Variants in PTPRT observed in about 807,000 individuals in gnomAD.
PTPRT encodes the protein receptor-type tyrosine-protein phosphatase T.
In PTPRT, 56 loss-of-function variants were observed where a neutral mutation model predicts 176.8. The observed-to-expected ratio is 0.32, with a 90% CI of 0.26 to 0.40. The LOEUF (loss-of-function observed/expected upper bound fraction) is 0.40. Among genes scored for constraint, PTPRT ranks in the 10% least tolerant of loss-of-function variants. The probability of loss-of-function intolerance (pLI) is 1.00; values close to 1 mark genes in which losing one functional copy is unlikely to be tolerated. For synonymous variants in PTPRT, 783 were observed against 739.0 expected, an observed-to-expected ratio of 1.06 and a Z score of -0.96; for missense variants, 1,540 against 1,908.2, an observed-to-expected ratio of 0.81 and a Z score of 3.60.
intron 1 of PTPRT, among the ~76,000 whole-genome samples, chr20:43,056,734 A>G (rs919888451): frequency 1.1e-4 from 17 of 152,212 alleles, no homozygotes; most frequent in African/African-American, 3.1e-4. Flanking sequence ...GAACCTTGTT[A>G]TAACAGTGGG....
At chr20:42,323,647 A>G (rs543241303) in intron 11 of PTPRT, among the ~76,000 whole-genome samples, 3 of 152,110 alleles carry the variant, frequency 2.0e-5, no homozygotes, top group Non-Finnish European at 4.4e-5. Context: ...GCATTAGGAG[A>G]TACACCTAAT....
intron 16 of PTPRT, among the ~76,000 whole-genome samples, chr20:42,187,784 C>G (rs73261002): frequency 0.033 from 4,975 of 152,254 alleles, 270 homozygotes; most frequent in African/African-American, 0.11. Flanking sequence ...GCACTTGGAC[C>G]ACATTTACAC....
intron 1 of PTPRT, among the ~76,000 whole-genome samples, chr20:43,180,437 G>A (rs2015227513): frequency 7.0e-6 from 1 of 141,988 alleles, no homozygotes; most frequent in Non-Finnish European, 1.5e-5. Flanking sequence ...GGGAGAGAGA[G>A]GGAGAGAGGG....
intron 13 of PTPRT, among the ~76,000 whole-genome samples, chr20:42,276,671 G>T (rs1018926286): frequency 6.7e-6 from 1 of 150,232 alleles, no homozygotes; most frequent in Non-Finnish European, 1.5e-5. Flanking sequence ...AATTTTGGGG[G>T]ACAGGATTTG....
chr20:43,127,345 C>A (rs140557658), intron 1 of PTPRT, among the ~76,000 whole-genome samples: 5,062 of 151,530 alleles, frequency 0.033, 122 homozygotes, highest in Non-Finnish European at 0.053. Context: ...ATGGCGTGAA[C>A]CTGGGAGGCG....
chr20:42,777,087 G>A (rs2077148322), intron 4 of PTPRT, among the ~76,000 whole-genome samples: 1 of 152,016 alleles, frequency 6.6e-6, no homozygotes, highest in African/African-American at 2.4e-5. Context: ...ACCACCTCTT[G>A]CATGGCTCCA....
In PTPRT at chr20:42,771,283, T is replaced by C. The variant is rs192121660; in HGVS notation, c.684+152A>G. 7.5e-5 allele frequency: 53 copies of C among 705,666 alleles called. No homozygotes were observed. In the African/African-American group the frequency reaches 8.0e-4, roughly 11 times the overall value. 43.7% of individuals were successfully genotyped at this position (705,666 alleles called of 1,614,324 possible). On this transcript the variant is annotated intron_variant, in intron 5 of 30. Coordinates refer to ENST00000373187, the MANE Select transcript of PTPRT (RefSeq NM_007050.6). ...GCCTGGACCTATAATTACCCCAGTTTGTAAGCAAGGGTGGGCTCCGGTGCT... is the reference window on the plus strand; with the variant it reads ...GCCTGGACCTATAATTACCCCAGTTCGTAAGCAAGGGTGGGCTCCGGTGCT...
chr20:42,528,961 C>T (rs1399220796), intron 7 of PTPRT, among the ~76,000 whole-genome samples: 2 of 152,194 alleles, frequency 1.3e-5, no homozygotes, highest in African/African-American at 2.4e-5. Context: ...TCATACAACT[C>T]GCTCTCTATG....
chr20:42,537,128 C>T (rs2072490702), intron 7 of PTPRT, among the ~76,000 whole-genome samples: 1 of 151,684 alleles, frequency 6.6e-6, no homozygotes, highest in African/African-American at 2.4e-5. Context: ...TCAAATGTCA[C>T]TTAGGTCAAA....
intron 6 of PTPRT, among the ~76,000 whole-genome samples, chr20:42,691,304 C>A (rs1246179046): frequency 6.6e-6 from 1 of 152,202 alleles, no homozygotes; most frequent in Non-Finnish European, 1.5e-5. Flanking sequence ...CAACCTGAGT[C>A]CAGGAAGCTT....
intron 1 of PTPRT, among the ~76,000 whole-genome samples, chr20:43,037,918 T>C (rs1330645582): frequency 2.0e-5 from 3 of 152,158 alleles, no homozygotes; most frequent in African/African-American, 4.8e-5. Flanking sequence ...CTTCCATCTG[T>C]TTTTCCTGAG....
intron 1 of PTPRT, among the ~76,000 whole-genome samples, chr20:43,086,426 C>G (rs901570967): frequency 6.6e-6 from 1 of 152,206 alleles, no homozygotes; most frequent in African/African-American, 2.4e-5. Flanking sequence ...TCATATGCCA[C>G]CGTTTTATGC....
chr20:42,477,613 G>A (rs946101205), intron 7 of PTPRT, among the ~76,000 whole-genome samples: 3 of 152,150 alleles, frequency 2.0e-5, no homozygotes, highest in Non-Finnish European at 4.4e-5. Context: ...CCTTGTGTGT[G>A]CAGTGGAGAT....
chr20:42,410,142 ATAAAT>A, intron 9 of PTPRT, among the ~76,000 whole-genome samples: 1 of 152,292 alleles, frequency 6.6e-6, no homozygotes, highest in Non-Finnish European at 1.5e-5. Flanking sequence ...AAGGGTGAAA[ATAAAT>A]TATTGAAAGC....
intron 13 of PTPRT, among the ~76,000 whole-genome samples, chr20:42,263,670 C>T (rs1600746697): frequency 6.7e-6 from 1 of 148,740 alleles, no homozygotes; most frequent in Middle Eastern, 3.5e-3. Context: ...TGAGCCACTG[C>T]GCCGGGCCTT....
chr20:43,150,989 C>G (rs950441097), intron 1 of PTPRT, among the ~76,000 whole-genome samples: 1 of 152,236 alleles, frequency 6.6e-6, no homozygotes, highest in East Asian at 1.9e-4. Context: ...TGTATCTAAT[C>G]TTAGCACTTC....
intron 1 of PTPRT, among the ~76,000 whole-genome samples, chr20:43,137,722 TGGCA>T (rs2013877828): frequency 6.6e-6 from 1 of 152,194 alleles, no homozygotes; most frequent in African/African-American, 2.4e-5. Context: ...CCCTATCTGC[TGGCA>T]GGCACCTTAG....
intron 1 of PTPRT, among the ~76,000 whole-genome samples, chr20:43,079,353 T>C (rs2011376090): frequency 6.6e-6 from 1 of 152,036 alleles, no homozygotes; most frequent in Admixed American, 6.6e-5. Context: ...CTTTGATCCA[T>C]TGTTATTTTT....
chr20:42,666,067 A>C (rs994389128), intron 7 of PTPRT, among the ~76,000 whole-genome samples: 3 of 152,200 alleles, frequency 2.0e-5, no homozygotes, highest in African/African-American at 4.8e-5. Flanking sequence ...CGTTGTGCAC[A>C]TGTACCGTAA....
Sources: allele counts gnomAD v4.1 joint callset (sites outside exome capture counted in the v4.1 genomes callset), GRCh38; gene constraint gnomAD v4.1.1; transcripts MANE v1.5; gene names NCBI Gene and HGNC (gene_info 2026-07-23, HGNC 2026-07-21).